Variants in GIGYF2 observed in about 807,000 individuals in gnomAD.
GIGYF2 encodes GRB10 interacting GYF protein 2, also known as GRB10-interacting GYF protein 2.
In GIGYF2, 25 loss-of-function variants were observed where a neutral mutation model predicts 208.1. The ratio of observed to expected loss-of-function variants is 0.12; its 90% confidence interval spans 0.09 to 0.17. The LOEUF is 0.17. Ranked by LOEUF, GIGYF2 falls within the 10% of genes least tolerant of loss-of-function variation. The pLI is 1.00. For missense variants in GIGYF2, 1,302 were observed against 1,579.4 expected, an observed-to-expected ratio of 0.82 and a Z score of 2.98; for synonymous variants, 534 against 543.8, an observed-to-expected ratio of 0.98 and a Z score of 0.25.
chr2:232,801,025 G>T (rs927669335), intron 14 of GIGYF2, among the ~76,000 whole-genome samples: 2 of 152,056 alleles, frequency 1.3e-5, no homozygotes, highest in African/African-American at 4.8e-5. Flanking sequence ...TTACAGGCAT[G>T]AGCCATTGCG....
chr2:232,768,020 T>C, intron 8 of GIGYF2: 1 of 646,724 alleles, frequency 1.5e-6, no homozygotes, highest in East Asian at 2.7e-5. Context: ...GAGTGTTATG[T>C]TTCCAGAATG....
rs1559375687 is a variant in GIGYF2, at chr2:232,711,707, A to ATATATATATATATATATG, written c.-44+8235_-44+8236insGTATATATATATATATAT. On this transcript the variant is annotated intron_variant, in intron 2 of 28. Coordinates refer to ENST00000373563, the MANE Select transcript of GIGYF2 (RefSeq NM_001103146.3). ...AGGAAAATTATCCTCACAATGATGT[A>ATATATATATATATATATG]TATATATATATATATATATAGTTGT... 2.3e-3 allele frequency among the ~76,000 whole-genome samples: 306 copies of ATATATATATATATATATG among 134,336 alleles called. 1 individual carries two copies. The highest frequency in any genetic ancestry group is 9.1e-3 in the African/African-American group (289 of 31,906). 88.1% of individuals were successfully genotyped at this position (134,336 alleles called of 152,430 possible).
intron 9 of GIGYF2, among the ~76,000 whole-genome samples, chr2:232,787,952 A>G (rs1699965444): frequency 6.6e-6 from 1 of 152,198 alleles, no homozygotes; most frequent in African/African-American, 2.4e-5. Flanking sequence ...ATATGCTAGT[A>G]ATTGAAGACA....
At chr2:232,748,351 C>T (rs1409341511) in intron 4 of GIGYF2, among the ~76,000 whole-genome samples, 2 of 152,208 alleles carry the variant, frequency 1.3e-5, no homozygotes, top group South Asian at 2.1e-4. Context: ...GGCGTGATCT[C>T]ATCTCACTGC....
rs67221198 is a variant in GIGYF2 at position 232,797,489 on chromosome 2, T to TTGTGTGTGTGTGTGTG, written c.1639+1290_1639+1305dup. Among the ~76,000 whole-genome samples, 342 of 145,078 alleles carry TTGTGTGTGTGTGTGTG rather than the reference T, an allele frequency of 2.4e-3. 3 individuals are homozygous for TTGTGTGTGTGTGTGTG. Among genetic ancestry groups the TTGTGTGTGTGTGTGTG allele is most frequent in the African/African-American group, 8.4e-3 (326 of 38,764 alleles). On this transcript the variant is annotated intron_variant, in intron 14 of 28. Transcript: ENST00000373563. ...CTGGTAAGATACACGAGAGCAGGGC[T>TTGTGTGTGTGTGTGTG]TGTGTGTGTGTGTGTGTGTGTGTGT...
At chr2:232,813,348 AC>A (rs2106387429) in intron 18 of GIGYF2, among the ~76,000 whole-genome samples, 1 of 106,882 alleles carries the variant, frequency 9.4e-6, no homozygotes, top group Non-Finnish European at 2.4e-5. Flanking sequence ...ATCACACCTG[AC>A]TGGGTGTACG....
At chr2:232,840,006 G>C (rs377319956) in intron 23 of GIGYF2, 35 bp downstream of exon 23, 24 of 1,603,988 alleles carry the variant, frequency 1.5e-5, no homozygotes, top group Non-Finnish European at 2.0e-5. Context: ...CTAGTCAAGC[G>C]ATGTTCCAGA....
At position 232,856,931 on chromosome 2, in the gene GIGYF2, C is replaced by G; in HGVS notation, c.*71C>G. On this transcript the variant is annotated 3_prime_UTR_variant, in exon 29 of 29. Transcript: ENST00000373563. ...GGAGTCTCCACCTTTGGACACAACA[C>G]TTACTCACCATTTACTCTTTATCAC... 1 of 962,316 alleles carries G rather than the reference C, an allele frequency of 1.0e-6. No individual in the cohort carries two copies. The highest frequency in any genetic ancestry group is 1.7e-6 in the Non-Finnish European group (1 of 584,308). 59.6% of individuals were successfully genotyped at this position (962,316 alleles called of 1,614,324 possible). A position where few individuals can be genotyped will look rare whatever the true frequency, so the allele number is the denominator to read the frequency against.
intron 2 of GIGYF2, among the ~76,000 whole-genome samples, chr2:232,717,381 T>G (rs1178814921): frequency 6.6e-6 from 1 of 152,124 alleles, no homozygotes; most frequent in Non-Finnish European, 1.5e-5. Context: ...AGTTTATAGT[T>G]CAATACATTT....
chr2:232,856,329 A>T (rs994450649), intron 28 of GIGYF2, among the ~76,000 whole-genome samples: 3 of 152,174 alleles, frequency 2.0e-5, no homozygotes, highest in African/African-American at 7.2e-5. Context: ...CTCTCATTGG[A>T]AGAACAGAAA....
intron 3 of GIGYF2, among the ~76,000 whole-genome samples, chr2:232,739,564 A>T (rs1320519915): frequency 6.6e-6 from 1 of 151,506 alleles, no homozygotes; most frequent in African/African-American, 2.4e-5. Flanking sequence ...GTTTGGTGTC[A>T]GCTACTTGGA....
chr2:232,844,516 G>C lies in GIGYF2; in HGVS notation c.3247G>C (p.Val1083Leu). The change falls in exon 25 of 29, where the codon GTG (valine) becomes CTG (leucine). Residue 1083 changes from valine (V) to leucine (L), a missense_variant. By Grantham distance (32) the Val-to-Leu change is conservative. Around this residue, in one of 8 missense-constraint regions of GIGYF2, gnomAD observed 701 missense variants for 793.0 expected, o/e 0.88. Coordinates refer to ENST00000373563, the MANE Select transcript of GIGYF2 (RefSeq NM_001103146.3). ...CAACATGGGATTCTGGGATGATGCA[G>C]TGAAAGAGGTGGGACCTAGGAATTC... The part of the protein sequence containing the change: ...NSNMGFWDDA[V>L]KEVGPRNSTN... The C allele has an allele frequency of 6.2e-7, 1 of 1,613,896 alleles. No individual in the cohort carries two copies. The highest frequency in any genetic ancestry group is 8.5e-7 in the Non-Finnish European group (1 of 1,179,822).
rs1449364842 is a variant in GIGYF2 at position 232,766,129 on chromosome 2, A to G, written c.532+4693A>G. ...CTTAACCTAGAAACTGTGATTTGAAATAAGTGAAAGAAACAATGAACAGTC... is the reference window on the plus strand; with the variant it reads ...CTTAACCTAGAAACTGTGATTTGAAGTAAGTGAAAGAAACAATGAACAGTC... On this transcript the variant is annotated intron_variant, in intron 8 of 28. Coordinates refer to ENST00000373563, the MANE Select transcript of GIGYF2 (RefSeq NM_001103146.3). 4 of 389,046 alleles carry G rather than the reference A, an allele frequency of 1.0e-5. No homozygotes were observed. In the East Asian group the frequency reaches 3.0e-4, roughly 29 times the overall value. The allele number at this position is 389,046 out of a possible 1,614,324, so 24.1% of individuals were successfully genotyped here.
At position 232,816,886 on chromosome 2, in the gene GIGYF2, A is replaced by G. The variant is rs1185358210; in HGVS notation, c.2224A>G (p.Arg742Gly). 1 of 1,613,100 alleles carries G rather than the reference A, an allele frequency of 6.2e-7. No individual in the cohort carries two copies. Among genetic ancestry groups the G allele is most frequent in the East Asian group, 2.2e-5 (1 of 44,872 alleles). ...GTAATCACAGCTAGAGCAAGAGAGA[A>G]GAGAGGCAGAAATGAGGGCAAAACG... Reference protein sequence around the residue: ...AKAAKLEQERREAEMRAKREE... With the variant: ...AKAAKLEQERGEAEMRAKREE... Residue 742 changes from arginine (R) to glycine (G), a missense_variant, in exon 20 of 29, where the codon AGA becomes GGA. This residue lies in a region of GIGYF2 where 701 missense variants were observed against 793.0 expected (regional missense o/e 0.88). Transcript: ENST00000373563.
rs572694330 is a variant in GIGYF2 at position 232,717,897 on chromosome 2, A to G, written c.-44+14408A>G. Among the ~76,000 whole-genome samples the G allele has an allele frequency of 5.3e-5, 8 of 152,108 alleles. No homozygotes were observed. The South Asian group carries it at 8.3e-4, about 16-fold the overall frequency. ...ATCCAGACACCTCCCATTAGACCTC[A>G]CCTCCAGCATCTGTGATCAGATTTC... On this transcript the variant is annotated intron_variant, in intron 2 of 28. Coordinates refer to ENST00000373563, the MANE Select transcript of GIGYF2 (RefSeq NM_001103146.3).
At position 232,760,610 on chromosome 2, in the gene GIGYF2, T is replaced by C; in HGVS notation, c.491+19T>C. 1 of 1,503,164 alleles carries C rather than the reference T, an allele frequency of 6.7e-7. No homozygotes were observed. Among genetic ancestry groups the C allele is most frequent in the Non-Finnish European group, 9.3e-7 (1 of 1,079,288 alleles). The allele number at this position is 1,503,164 out of a possible 1,614,324, so 93.1% of individuals were successfully genotyped here. On this transcript the variant is annotated intron_variant, in intron 7 of 28. Transcript: ENST00000373563. ...AGGAAAGGTAACTGGATCCACATAT[T>C]GGCATAAAAATTTCTTGGCATATAA...
chr2:232,759,601 C>G (rs1283985152), intron 6 of GIGYF2, among the ~76,000 whole-genome samples: 1 of 151,862 alleles, frequency 6.6e-6, no homozygotes, highest in Non-Finnish European at 1.5e-5. Flanking sequence ...CGTGCTTAAT[C>G]TGCTGTGGCA....
At chr2:232,837,869 G>A (rs1443006212) in intron 22 of GIGYF2, among the ~76,000 whole-genome samples, 2 of 152,150 alleles carry the variant, frequency 1.3e-5, no homozygotes, top group Non-Finnish European at 2.9e-5. Flanking sequence ...ATTTCTTAAA[G>A]CAAAACCAGT....
At chr2:232,814,471 G>C (rs1700841645) in intron 18 of GIGYF2, among the ~76,000 whole-genome samples, 1 of 149,762 alleles carries the variant, frequency 6.7e-6, no homozygotes, top group African/African-American at 2.5e-5. Flanking sequence ...GCTGAGGCAG[G>C]AGAATCGCTT....
Sources: gnomAD v4.1 joint callset for allele counts (sites outside exome capture counted in the v4.1 genomes callset) on GRCh38, gnomAD v4.1.1 for gene constraint, gnomAD v4.1.1 regional missense constraint, MANE v1.5 for transcripts, NCBI Gene and HGNC (gene_info 2026-07-23, HGNC 2026-07-21) for gene names.